The following ADH7 variants were observed in gnomAD, a reference collection of about 807,000 sequenced individuals.
ADH7 encodes the protein all-trans-retinol dehydrogenase [NAD(+)] ADH7.
In ADH7, 41 loss-of-function variants were observed where a neutral mutation model predicts 34.4. That is an observed-to-expected ratio of 1.19 (90% CI 0.93 to 1.55). ADH7 has a LOEUF of 1.55. Among genes scored for constraint, ADH7 ranks in the 40% most tolerant of loss-of-function variants. The pLI is 0.00. For synonymous variants in ADH7, 180 were observed against 160.9 expected, an observed-to-expected ratio of 1.12 and a Z score of -0.90; for missense variants, 540 against 461.2, an observed-to-expected ratio of 1.17 and a Z score of -1.56.
chr4:99,420,286 A>G (rs148428639), intron 6 of ADH7, among the ~76,000 whole-genome samples: 12 of 152,316 alleles, frequency 7.9e-5, no homozygotes, highest in African/African-American at 1.2e-4. Flanking sequence ...AGGGTTGACT[A>G]CCTTGCCATC....
In ADH7 at chr4:99,420,780, G is replaced by A; in HGVS notation, c.578C>T (p.Ser193Phe). The change falls in exon 6 of 9, where the codon TCC (serine) becomes TTC (phenylalanine). Residue 193 changes from serine to phenylalanine, a missense_variant. Ser to Phe is a radical substitution (Grantham distance 155). Coordinates refer to ENST00000437033, the MANE Select transcript of ADH7 (RefSeq NM_000673.7). ...TCCCAGGCCAAAGACGACGCAAGTG[G>A]AACCAGGTTTGACCTGTGGAGAGGA... ...AVKTGKVKPGSTCVVFGLGGV... is the reference protein window; with the variant it reads ...AVKTGKVKPGFTCVVFGLGGV... The A allele has an allele frequency of 6.2e-7, 1 of 1,613,804 alleles. No homozygotes were observed. The highest frequency in any genetic ancestry group is 8.5e-7 in the Non-Finnish European group (1 of 1,179,872).
intron 5 of ADH7, among the ~76,000 whole-genome samples, chr4:99,425,963 G>T (rs992111783): frequency 6.6e-6 from 1 of 151,994 alleles, no homozygotes; most frequent in East Asian, 1.9e-4. Context: ...ATGACTACTG[G>T]GTACATAACG....
intron 3 of ADH7, 102 bp downstream of exon 3, chr4:99,428,390 G>A: frequency 1.4e-6 from 2 of 1,395,938 alleles, no homozygotes; most frequent in Non-Finnish European, 2.0e-6. Flanking sequence ...TCCCTGAATT[G>A]TGTTAAGGAT....
At chr4:99,429,781 A>G in intron 1 of ADH7, 148 bp from the exon 2 acceptor site, 1 of 592,928 alleles carries the variant, frequency 1.7e-6, no homozygotes, top group Non-Finnish European at 2.8e-6. Flanking sequence ...TATAAGCCTT[A>G]TAAATCATCT....
chr4:99,430,019 T>G (rs1721905178), intron 1 of ADH7, among the ~76,000 whole-genome samples: 2 of 152,214 alleles, frequency 1.3e-5, no homozygotes, highest in Non-Finnish European at 2.9e-5. Context: ...GTATCGCTTA[T>G]TCACAAGAGA....
chr4:99,427,263 G>A (rs1489698505), intron 5 of ADH7, among the ~76,000 whole-genome samples: 10 of 152,080 alleles, frequency 6.6e-5, no homozygotes, highest in South Asian at 4.1e-4. Flanking sequence ...TTTCTGATAC[G>A]CATTATAGGT....
chr4:99,426,803 A>C (rs1721818257), intron 5 of ADH7, among the ~76,000 whole-genome samples: 2 of 152,196 alleles, frequency 1.3e-5, no homozygotes, highest in South Asian at 4.1e-4. Flanking sequence ...TTGATGCAAA[A>C]ATCCTCAATA....
chr4:99,422,675 A>G (rs577551802), intron 5 of ADH7, among the ~76,000 whole-genome samples: 15 of 152,284 alleles, frequency 9.9e-5, no homozygotes, highest in African/African-American at 2.9e-4. Flanking sequence ...AAATTTAGAT[A>G]CAAATATAAA....
intron 5 of ADH7, among the ~76,000 whole-genome samples, chr4:99,425,881 A>G (rs1356861779): frequency 2.0e-5 from 3 of 152,090 alleles, no homozygotes; most frequent in Non-Finnish European, 2.9e-5. Flanking sequence ...AGTGCAATCA[A>G]ACTAGAACTC....
chr4:99,422,037 C>T (rs1344898543), intron 5 of ADH7, among the ~76,000 whole-genome samples: 2 of 152,114 alleles, frequency 1.3e-5, no homozygotes, highest in Admixed American at 6.6e-5. Flanking sequence ...AATAAGAACG[C>T]TTTTTACACT....
In ADH7 at chr4:99,415,587, G is replaced by C; in HGVS notation, c.991C>G (p.Leu331Val). ...GLKSRDDVPK[L>V]VTEFLAKKFD... ...TTCTTTGCCAGGAACTCAGTCACTA[G>C]TTTTGGGACATCATCTCTGCTTTTC... The change falls in exon 8 of 9, where the codon CTA (leucine) becomes GTA (valine). Residue 331 changes from leucine (L) to valine (V), a missense_variant. Leu to Val is a conservative substitution (Grantham distance 32). Transcript: ENST00000437033. The C allele has an allele frequency of 1.2e-6, 2 of 1,613,482 alleles. No homozygotes were observed. The highest frequency in any genetic ancestry group is 1.7e-6 in the Non-Finnish European group (2 of 1,179,646).
At chr4:99,415,276 A>G in intron 8 of ADH7, 1 of 552,248 alleles carries the variant, frequency 1.8e-6, no homozygotes, top group Non-Finnish European at 3.1e-6. Flanking sequence ...TTTATAAATG[A>G]CCCAGTCTCG....
At chr4:99,425,563 G>A (rs1169861518) in intron 5 of ADH7, among the ~76,000 whole-genome samples, 2 of 152,104 alleles carry the variant, frequency 1.3e-5, no homozygotes, top group African/African-American at 2.4e-5. Flanking sequence ...CATAAAGCAA[G>A]CCCTGAGTGA....
chr4:99,413,508 C>A (rs537817775), intron 8 of ADH7, among the ~76,000 whole-genome samples: 1 of 152,162 alleles, frequency 6.6e-6, no homozygotes, highest in African/African-American at 2.4e-5. Context: ...AGAGATCCTG[C>A]AAGTAGATGA....
At chr4:99,420,010 C>A (rs909834404) in intron 6 of ADH7, among the ~76,000 whole-genome samples, 1 of 152,100 alleles carries the variant, frequency 6.6e-6, no homozygotes, top group African/African-American at 2.4e-5. Flanking sequence ...GTGCTGCGGG[C>A]TGCCATACAG....
At chr4:99,421,508 G>T (rs1053711605) in intron 5 of ADH7, among the ~76,000 whole-genome samples, 4 of 152,132 alleles carry the variant, frequency 2.6e-5, no homozygotes, top group Non-Finnish European at 5.9e-5. Context: ...ACTGAAGATG[G>T]ATTAAACACT....
chr4:99,425,963 G>A (rs992111783), intron 5 of ADH7, among the ~76,000 whole-genome samples: 6 of 151,994 alleles, frequency 3.9e-5, no homozygotes, highest in Non-Finnish European at 5.9e-5. Context: ...ATGACTACTG[G>A]GTACATAACG....
rs533257508 is a variant in ADH7, at chr4:99,413,168, G to T, written c.1105C>A (p.Arg369=). 16 of 1,613,302 alleles carry T rather than the reference G, an allele frequency of 9.9e-6. 1 individual carries two copies. In the Admixed American group the frequency reaches 1.8e-4, roughly 18 times the overall value. Residue 369 remains arginine, a synonymous_variant, in exon 9 of 9, where the codon CGA becomes AGA. Coordinates refer to ENST00000437033, the MANE Select transcript of ADH7 (RefSeq NM_000673.7). Reference sequence around the variant, plus strand: ...GGATCTCAAAACGTCAGGACCGTTCGAATGCTGAAATGTAAAATGAGAGTT... The same window carrying T: ...GGATCTCAAAACGTCAGGACCGTTCTAATGCTGAAATGTAAAATGAGAGTT... ...FELLNSGQSI[R]TVLTF
chr4:99,435,173 TC>T (rs1390978771), intron 1 of ADH7, 42 bp downstream of exon 1: 1 of 1,605,570 alleles, frequency 6.2e-7, no homozygotes, highest in Non-Finnish European at 8.5e-7. Flanking sequence ...CAGCCTCACA[TC>T]ATTAGGTCAT....
Sources: gnomAD v4.1 joint callset for allele counts (sites outside exome capture counted in the v4.1 genomes callset) on GRCh38, gnomAD v4.1.1 for gene constraint, MANE v1.5 for transcripts, NCBI Gene and HGNC (gene_info 2026-07-23, HGNC 2026-07-21) for gene names.